Variants in MPLKIP observed in about 807,000 individuals in gnomAD.
MPLKIP encodes M-phase specific PLK1 interacting protein.
A neutral mutation model predicts 16.9 loss-of-function variants in MPLKIP; 16 were observed. That is an observed-to-expected ratio of 0.94 (90% confidence interval 0.64 to 1.43). The LOEUF (loss-of-function observed/expected upper bound fraction) is 1.43, where lower values mean the gene tolerates loss of function less well. Among genes scored for constraint, MPLKIP ranks in the 40% most tolerant of loss-of-function variants. MPLKIP has a pLI of 0.00. For synonymous variants in MPLKIP, 126 were observed against 98.4 expected, an observed-to-expected ratio of 1.28 and a Z score of -1.66; for missense variants, 282 against 237.6, an observed-to-expected ratio of 1.19 and a Z score of -1.23.
At chr7:40,134,137 G>A (rs977166344) in intron 1 of MPLKIP, 92 bp downstream of exon 1, 2 of 1,434,046 alleles carry the variant, frequency 1.4e-6, no homozygotes, top group Non-Finnish European at 1.9e-6. Flanking sequence ...GTACCTCAGA[G>A]AGGATTAGAC....
chr7:40,134,168 A>G, intron 1 of MPLKIP, 61 bp downstream of exon 1: 1 of 1,515,576 alleles, frequency 6.6e-7, no homozygotes, highest in Non-Finnish European at 8.9e-7. Flanking sequence ...ACGTAAAGGG[A>G]ATATTAGTAC....
rs1273734473 is a variant in MPLKIP, at chr7:40,126,754, C to G, written c.*6305G>C. On this transcript the variant is annotated 3_prime_UTR_variant, in exon 2 of 2. Coordinates refer to ENST00000306984, the MANE Select transcript of MPLKIP (RefSeq NM_138701.4). ...AATTATGGTTTTTAATGAATTTGAACAAATACAAGTATCTGAGAAGAGTTA... is the reference window on the plus strand; with the variant it reads ...AATTATGGTTTTTAATGAATTTGAAGAAATACAAGTATCTGAGAAGAGTTA... 1 of 151,564 alleles carries G rather than the reference C, an allele frequency of 6.6e-6. No individual in the cohort carries two copies. Among genetic ancestry groups the G allele is most frequent in the Admixed American group, 6.6e-5 (1 of 15,204 alleles). The allele number at this position is 151,564 out of a possible 1,614,324, so 9.4% of individuals were successfully genotyped here. A position where few individuals can be genotyped will look rare whatever the true frequency, so the allele number is the denominator to read the frequency against.
intron 1 of MPLKIP, 28 bp from the exon 2 acceptor site, chr7:40,133,287 C>A (rs1424470594): frequency 7.6e-6 from 12 of 1,585,800 alleles, no homozygotes; most frequent in East Asian, 2.2e-5. Flanking sequence ...GTTAAAAAAA[C>A]ACTTAGTAAA....
Position 40,127,416 on chromosome 7 carries a change from AAAACAAAC to A in MPLKIP, c.*5635_*5642del, listed in dbSNP as rs1043095212. The A allele has an allele frequency of 1.3e-5, 2 of 152,180 alleles. No individual in the cohort carries two copies. The highest frequency in any genetic ancestry group is 4.8e-5 in the African/African-American group (2 of 41,362). 9.4% of individuals were successfully genotyped at this position (152,180 alleles called of 1,614,324 possible). Reference sequence around the variant, plus strand: ...GCGACAGGGCAAGACTCTGTCTCAAAAAACAAACAAACAAACAAAAAACAGTATTGTAT... The same window carrying A: ...GCGACAGGGCAAGACTCTGTCTCAAAAAACAAACAAAAAACAGTATTGTAT... On this transcript the variant is annotated 3_prime_UTR_variant, in exon 2 of 2. Transcript: ENST00000306984.
At position 40,133,194 on chromosome 7, in the gene MPLKIP, C is replaced by G; in HGVS notation, c.405G>C (p.Glu135Asp). 6.2e-7 allele frequency: 1 copy of G among 1,613,762 alleles called. No individual in the cohort carries two copies. ...GRVREKRMSN[E>D]LENYFKPSML... The stretch of plus-strand genomic sequence containing the variant: ...TTGAAGGCTTGAAATAATTTTCCAA[C>G]TCATTAGACATTCTTTTTTCTCTAA... The change falls in exon 2 of 2, where the codon GAG (glutamate) becomes GAC (aspartate). Residue 135 changes from glutamate (E) to aspartate (D), a missense_variant. Transcript: ENST00000306984.
intron 1 of MPLKIP, 128 bp from the exon 2 acceptor site, chr7:40,133,387 TA>T: frequency 3.7e-6 from 3 of 800,414 alleles, no homozygotes; most frequent in Non-Finnish European, 2.1e-6. Flanking sequence ...AATGTTCAAT[TA>T]CAAAGTCCAT....
chr7:40,132,562 C>G lies in MPLKIP; in HGVS notation c.*497G>C, dbSNP rs1223719300. On this transcript the variant is annotated 3_prime_UTR_variant, in exon 2 of 2. Transcript: ENST00000306984. Reference sequence around the variant, plus strand: ...TTAGATAAAATGAGTATGAACAGAACTCTGTTATTCTCATCCTCATTATTT... The same window carrying G: ...TTAGATAAAATGAGTATGAACAGAAGTCTGTTATTCTCATCCTCATTATTT... The G allele has an allele frequency of 1.1e-5, 2 of 177,020 alleles. No homozygotes were observed. The highest frequency in any genetic ancestry group is 2.4e-5 in the Non-Finnish European group (2 of 82,944). The allele number at this position is 177,020 out of a possible 1,614,324, so 11.0% of individuals were successfully genotyped here.
chr7:40,132,674 A>G lies in MPLKIP; in HGVS notation c.*385T>C, dbSNP rs975120893. The stretch of plus-strand genomic sequence containing the variant: ...TAATTTGCAAAACATTTACCTATGA[A>G]CTCTAAGTGACTACAAAGCATTACT... On this transcript the variant is annotated 3_prime_UTR_variant, in exon 2 of 2. Transcript: ENST00000306984. 1.1e-5 allele frequency: 3 copies of G among 274,990 alleles called. No individual in the cohort carries two copies. Among genetic ancestry groups the G allele is most frequent in the African/African-American group, 6.8e-5 (3 of 44,166 alleles). 17.0% of individuals were successfully genotyped at this position (274,990 alleles called of 1,614,324 possible).
Position 40,126,245 on chromosome 7 carries a change from T to C in MPLKIP, c.*6814A>G, listed in dbSNP as rs1012735015. On this transcript the variant is annotated 3_prime_UTR_variant, in exon 2 of 2. Coordinates refer to ENST00000306984, the MANE Select transcript of MPLKIP (RefSeq NM_138701.4). The stretch of plus-strand genomic sequence containing the variant: ...GAGTACAGCATATTGTTTTGCAGAC[T>C]TTTAAATTTGACGTAAAGAATATCA... 3 of 152,226 alleles carry C rather than the reference T, an allele frequency of 2.0e-5. No homozygotes were observed. Among genetic ancestry groups the C allele is most frequent in the African/African-American group, 7.2e-5 (3 of 41,458 alleles). 9.4% of individuals were successfully genotyped at this position (152,226 alleles called of 1,614,324 possible). A position where few individuals can be genotyped will look rare whatever the true frequency, so the allele number is the denominator to read the frequency against.
Position 40,128,336 on chromosome 7 carries a change from T to C in MPLKIP, c.*4723A>G, listed in dbSNP as rs775030818. The C allele has an allele frequency of 1.1e-4, 17 of 152,156 alleles. No individual in the cohort carries two copies. The highest frequency in any genetic ancestry group is 2.7e-4 in the African/African-American group (11 of 41,412). 9.4% of individuals were successfully genotyped at this position (152,156 alleles called of 1,614,324 possible). Reference sequence around the variant, plus strand: ...ATACAGAGAAATGGTTGAGTGACAATAGCAGGAGACTTTGGCCTATGTAAA... The same window carrying C: ...ATACAGAGAAATGGTTGAGTGACAACAGCAGGAGACTTTGGCCTATGTAAA... On this transcript the variant is annotated 3_prime_UTR_variant, in exon 2 of 2. Transcript: ENST00000306984.
At position 40,127,304 on chromosome 7, in the gene MPLKIP, C is replaced by T. The variant is rs190601458; in HGVS notation, c.*5755G>A. 2.0e-5 allele frequency: 3 copies of T among 152,294 alleles called. No homozygotes were observed. The East Asian group carries it at 5.8e-4, about 30-fold the overall frequency. 9.4% of individuals were successfully genotyped at this position (152,294 alleles called of 1,614,324 possible). On this transcript the variant is annotated 3_prime_UTR_variant, in exon 2 of 2. Coordinates refer to ENST00000306984, the MANE Select transcript of MPLKIP (RefSeq NM_138701.4). ...TGGTGCGTGCCTGTTGTCCCAGTTA[C>T]TTGGGAGGCTGAGGCAGAAGAATTG...
At position 40,134,521 on chromosome 7, in the gene MPLKIP, G is replaced by A. The variant is rs79477505; in HGVS notation, c.47C>T (p.Pro16Leu). ...FRPPTPPYPGPGGGGWGSGSS... is the reference protein window; with the variant it reads ...FRPPTPPYPGLGGGGWGSGSS... ...TCCGCTACCCCAACCTCCTCCACCC[G>A]GACCAGGGTAAGGAGGAGTTGGGGG... Residue 16 changes from proline to leucine, a missense_variant, in exon 1 of 2, where the codon CCG (proline) becomes CTG (leucine). Pro to Leu is a moderately conservative substitution (Grantham distance 98). Coordinates refer to ENST00000306984, the MANE Select transcript of MPLKIP (RefSeq NM_138701.4). The A allele has an allele frequency of 1.3e-5, 20 of 1,594,696 alleles. No homozygotes were observed. The highest frequency in any genetic ancestry group is 5.3e-5 in the African/African-American group (4 of 74,842).
chr7:40,133,727 CGTA>C (rs1787514142), intron 1 of MPLKIP, among the ~76,000 whole-genome samples: 1 of 151,902 alleles, frequency 6.6e-6, no homozygotes, highest in Non-Finnish European at 1.5e-5. Context: ...TGGAAAACCA[CGTA>C]GTTGCAAGTT....
Position 40,129,225 on chromosome 7 carries a change from A to T in MPLKIP, c.*3834T>A, listed in dbSNP as rs941203544. On this transcript the variant is annotated 3_prime_UTR_variant, in exon 2 of 2. Coordinates refer to ENST00000306984, the MANE Select transcript of MPLKIP (RefSeq NM_138701.4). ...TTTCCCAACTTGATAATACATCTGA[A>T]TTCTGAACATCTCCACACGGGCCAA... The T allele has an allele frequency of 1.3e-5, 2 of 151,594 alleles. No homozygotes were observed. Among genetic ancestry groups the T allele is most frequent in the African/African-American group, 4.9e-5 (2 of 41,212 alleles). The allele number at this position is 151,594 out of a possible 1,614,324, so 9.4% of individuals were successfully genotyped here.
At position 40,134,430 on chromosome 7, in the gene MPLKIP, C is replaced by T. The variant is rs927023495; in HGVS notation, c.138G>A (p.Gly46=). The change falls in exon 1 of 2, where the codon GGG becomes GGA. Residue 46 remains glycine, a synonymous_variant. Coordinates refer to ENST00000306984, the MANE Select transcript of MPLKIP (RefSeq NM_138701.4). ...PRPPSPRDGY[G]SPHHTPPYGP... ...CGTACGGCGGCGTGTGGTGCGGACT[C>T]CCGTACCCGTCTCGAGGGGAGGGCG... The T allele has an allele frequency of 4.5e-6, 7 of 1,565,944 alleles. No homozygotes were observed. Among genetic ancestry groups the T allele is most frequent in the Middle Eastern group, 1.7e-4 (1 of 5,824 alleles).
Position 40,134,322 on chromosome 7 carries a change from G to A in MPLKIP, c.246C>T (p.Ser82=), listed in dbSNP as rs1481573059. 6.4e-7 allele frequency: 1 copy of A among 1,554,758 alleles called. No homozygotes were observed. Among genetic ancestry groups the A allele is most frequent in the Non-Finnish European group, 8.7e-7 (1 of 1,149,628 alleles). Residue 82 remains serine (S), a synonymous_variant, in exon 1 of 2, where the codon TCC becomes TCT. Transcript: ENST00000306984. ...AGTAGGAGCCAGGGTAGCCGCCAGGGGACGGAGACCCGAACCGGCCCCCCG... is the reference window on the plus strand; with the variant it reads ...AGTAGGAGCCAGGGTAGCCGCCAGGAGACGGAGACCCGAACCGGCCCCCCG... ...SFPGGRFGSP[S]PGGYPGSYSR...
Position 40,134,414 on chromosome 7 carries a change from G to A in MPLKIP, c.154C>T (p.Pro52Ser), listed in dbSNP as rs949420400. Residue 52 changes from proline (P) to serine (S), a missense_variant, in exon 1 of 2, where the codon CCG becomes TCG. Coordinates refer to ENST00000306984, the MANE Select transcript of MPLKIP (RefSeq NM_138701.4). ...RDGYGSPHHT[P>S]PYGPRSRPYG... ...GGCCTAGACCGGGGCCCGTACGGCG[G>A]CGTGTGGTGCGGACTCCCGTACCCG... is the stretch of plus-strand genomic sequence containing the variant. The A allele has an allele frequency of 1.1e-5, 17 of 1,563,588 alleles. No individual in the cohort carries two copies. The highest frequency in any genetic ancestry group is 1.3e-5 in the Non-Finnish European group (15 of 1,156,168).
Position 40,129,941 on chromosome 7 carries a change from T to C in MPLKIP, c.*3118A>G, listed in dbSNP as rs1260721589. 1.3e-5 allele frequency: 2 copies of C among 152,188 alleles called. No individual in the cohort carries two copies. Among genetic ancestry groups the C allele is most frequent in the Admixed American group, 6.5e-5 (1 of 15,272 alleles). 9.4% of individuals were successfully genotyped at this position (152,188 alleles called of 1,614,324 possible). ...CTTGCCATAGGTTTCTTTTGTAAAA[T>C]GGGAGACCAGTGATTACCAAAAGGC... is the stretch of plus-strand genomic sequence containing the variant. On this transcript the variant is annotated 3_prime_UTR_variant, in exon 2 of 2. Coordinates refer to ENST00000306984, the MANE Select transcript of MPLKIP (RefSeq NM_138701.4).
rs1584117436 is a variant in MPLKIP at position 40,126,838 on chromosome 7, GCT to G, written c.*6219_*6220del. 1 of 137,094 alleles carries G rather than the reference GCT, an allele frequency of 7.3e-6. No homozygotes were observed. Among genetic ancestry groups the G allele is most frequent in the East Asian group, 2.3e-4 (1 of 4,336 alleles). 8.5% of individuals were successfully genotyped at this position (137,094 alleles called of 1,614,324 possible). ...TTTTTTTATTTTGAGACAGAGTCTCGCTCTGTCGCCCAGGCTGGAGTGCAGTG... is the reference window on the plus strand; with the variant it reads ...TTTTTTTATTTTGAGACAGAGTCTCGCTGTCGCCCAGGCTGGAGTGCAGTG... On this transcript the variant is annotated 3_prime_UTR_variant, in exon 2 of 2. Transcript: ENST00000306984.
Sources: gnomAD v4.1 joint callset for allele counts (sites outside exome capture counted in the v4.1 genomes callset) on GRCh38, gnomAD v4.1.1 for gene constraint, MANE v1.5 for transcripts, NCBI Gene and HGNC (gene_info 2026-07-23, HGNC 2026-07-21) for gene names.